ZYG11A: variants seen among roughly 807,000 people sequenced by gnomAD.
ZYG11A encodes zyg-11 family member A, cell cycle regulator.
In ZYG11A, 62 loss-of-function variants were observed where a neutral mutation model predicts 77.2. The ratio of observed to expected loss-of-function variants is 0.80; its 90% CI spans 0.65 to 0.99. ZYG11A has a LOEUF of 0.99. ZYG11A is among the 50% of genes least tolerant of loss of function. The pLI is 0.00. For synonymous variants in ZYG11A, 315 were observed against 324.6 expected (o/e 0.97, Z 0.32); for missense variants, 828 against 896.8 (o/e 0.92, Z 0.98).
intron 10 of ZYG11A, among the ~76,000 whole-genome samples, chr1:52,880,782 C>T (rs893111925): frequency 2.6e-5 from 4 of 152,138 alleles, no homozygotes; most frequent in African/African-American, 9.7e-5. Context: ...ATTCTGCCAG[C>T]AGTCTGAGTG....
chr1:52,871,659 A>C (rs1052919086), intron 8 of ZYG11A, among the ~76,000 whole-genome samples: 1 of 151,944 alleles, frequency 6.6e-6, no homozygotes, highest in Non-Finnish European at 1.5e-5. Context: ...TTGTATTTTT[A>C]GTAGAGACGG....
At chr1:52,843,179 C>CG (rs143471571) in intron 1 of ZYG11A, among the ~76,000 whole-genome samples, 5,329 of 151,752 alleles carry the variant, frequency 0.035, 417 homozygotes, top group Admixed American at 0.18. Context: ...CGCCGCGGAG[C>CG]GGGGGGTGCT....
intron 13 of ZYG11A, among the ~76,000 whole-genome samples, chr1:52,890,568 T>C (rs1646528637): frequency 6.6e-6 from 1 of 151,762 alleles, no homozygotes; most frequent in Non-Finnish European, 1.5e-5. Flanking sequence ...TGTTGGGGTC[T>C]ACTGTCAGCC....
chr1:52,875,716 CTG>C lies in ZYG11A; in HGVS notation c.1543-1964_1543-1963del, dbSNP rs566559472. ...GTGATTCAATTTTGGTGCTGAATCT[CTG>C]TATGTGCAGAAATTGAGTTTAGAGT... is the stretch of plus-strand genomic sequence containing the variant. On this transcript the variant is annotated intron_variant, in intron 8 of 13. Transcript: ENST00000371528. Among the ~76,000 whole-genome samples, 16 of 149,762 alleles carry C rather than the reference CTG, an allele frequency of 1.1e-4. 1 individual carries two copies. In the South Asian group the frequency reaches 1.7e-3, roughly 16 times the overall value.
At chr1:52,858,796 T>C (rs1478684087) in intron 3 of ZYG11A, among the ~76,000 whole-genome samples, 2 of 151,326 alleles carry the variant, frequency 1.3e-5, no homozygotes, top group African/African-American at 4.9e-5. Context: ...GTATTTTTAG[T>C]AGAGGCAGAG....
chr1:52,881,643 G>A lies in ZYG11A; in HGVS notation c.1922G>A (p.Arg641Lys). 6.4e-7 allele frequency: 1 copy of A among 1,551,656 alleles called. No individual in the cohort carries two copies. Among genetic ancestry groups the A allele is most frequent in the Non-Finnish European group, 8.7e-7 (1 of 1,146,880 alleles). The change falls in exon 11 of 14, where the codon AGG becomes AAG. Residue 641 changes from arginine to lysine, a missense_variant. Transcript: ENST00000371528. ...RQLWISRDFQ[R>K]RTLLQDLHAT... is the part of the protein sequence containing the mutation. ...CTTTGGATATCCCGTGACTTCCAGAGGCGTACTCTTCTCCAAGATCTGGTA... is the reference window on the plus strand; with the variant it reads ...CTTTGGATATCCCGTGACTTCCAGAAGCGTACTCTTCTCCAAGATCTGGTA...
At chr1:52,874,550 C>A (rs1242737979) in intron 8 of ZYG11A, among the ~76,000 whole-genome samples, 1 of 152,098 alleles carries the variant, frequency 6.6e-6, no homozygotes, top group African/African-American at 2.4e-5. Flanking sequence ...CTGTGCCCAG[C>A]CATAAAATAT....
intron 3 of ZYG11A, among the ~76,000 whole-genome samples, chr1:52,860,197 T>C (rs1645900691): frequency 3.3e-5 from 5 of 152,128 alleles, no homozygotes; most frequent in Admixed American, 2.6e-4. Context: ...AATTGCCGTT[T>C]AATAACGTTG....
rs1268165879 is a variant in ZYG11A at position 52,871,019 on chromosome 1, A to G, written c.1542+3242A>G. Reference sequence around the variant, plus strand: ...TAATTCATTTATGGCATGGTTTATGATGCAATAATTTTTTATTTTCACGTA... The same window carrying G: ...TAATTCATTTATGGCATGGTTTATGGTGCAATAATTTTTTATTTTCACGTA... On this transcript the variant is annotated intron_variant, in intron 8 of 13. Transcript: ENST00000371528. 2.0e-5 allele frequency among the ~76,000 whole-genome samples: 3 copies of G among 152,192 alleles called. No individual in the cohort carries two copies. The East Asian group carries it at 5.8e-4, about 29-fold the overall frequency.
chr1:52,861,653 G>A (rs150393060), intron 4 of ZYG11A, among the ~76,000 whole-genome samples: 2 of 152,104 alleles, frequency 1.3e-5, no homozygotes, highest in East Asian at 1.9e-4. Context: ...GCAGTGAGCC[G>A]AGATTGTGCC....
chr1:52,872,099 C>T (rs911347748), intron 8 of ZYG11A, among the ~76,000 whole-genome samples: 3 of 152,088 alleles, frequency 2.0e-5, no homozygotes, highest in Admixed American at 6.6e-5. Flanking sequence ...GTGTTCATTA[C>T]TGAGATGCTT....
intron 13 of ZYG11A, among the ~76,000 whole-genome samples, chr1:52,890,249 GT>G (rs908467307): frequency 0.012 from 873 of 71,694 alleles, 4 homozygotes; most frequent in African/African-American, 0.043. Context: ...TTTTCTTTTA[GT>G]TTTTTTTTTT....
chr1:52,878,233 A>T (rs999196287), intron 10 of ZYG11A, among the ~76,000 whole-genome samples: 1 of 152,224 alleles, frequency 6.6e-6, no homozygotes, highest in Non-Finnish European at 1.5e-5. Flanking sequence ...GCTCAGCTGT[A>T]AAGTTCTTCT....
chr1:52,858,472 GT>G (rs971546317), intron 3 of ZYG11A, among the ~76,000 whole-genome samples: 1 of 148,602 alleles, frequency 6.7e-6, no homozygotes, highest in Non-Finnish European at 1.5e-5. Context: ...TGCCCAGCTA[GT>G]TTTTTATTTT....
rs201728574 is a variant in ZYG11A at position 52,845,261 on chromosome 1, CTT to C, written c.90+2289_90+2290del. Among the ~76,000 whole-genome samples, 699 of 148,788 alleles carry C rather than the reference CTT, an allele frequency of 4.7e-3. 7 individuals are homozygous for C. Among genetic ancestry groups the C allele is most frequent in the African/African-American group, 0.017 (674 of 40,614 alleles). ...CAACTGTATGTTTTAAATTGTGTCTCTTGTAAACAGCAATCTTGCATTTGTAT... is the reference window on the plus strand; with the variant it reads ...CAACTGTATGTTTTAAATTGTGTCTCGTAAACAGCAATCTTGCATTTGTAT... On this transcript the variant is annotated intron_variant, in intron 1 of 13. Transcript: ENST00000371528.
rs547870097 is a variant in ZYG11A at position 52,864,495 on chromosome 1, C to G, written c.1326+338C>G. ...TCCTGGCCTCATGAGCCATGGCATA[C>G]GGCAGACAATTTGTGTTTTCTAACT... On this transcript the variant is annotated intron_variant, in intron 5 of 13. Coordinates refer to ENST00000371528, the MANE Select transcript of ZYG11A (RefSeq NM_001004339.3). Among the ~76,000 whole-genome samples, 4 of 151,882 alleles carry G rather than the reference C, an allele frequency of 2.6e-5. No individual in the cohort carries two copies. The South Asian group carries it at 6.2e-4, about 24-fold the overall frequency.
At chr1:52,862,233 G>A (rs1645941414) in intron 4 of ZYG11A, among the ~76,000 whole-genome samples, 3 of 151,542 alleles carry the variant, frequency 2.0e-5, no homozygotes, top group African/African-American at 7.3e-5. Flanking sequence ...AAGTTAGGTG[G>A]GCATGGTTGT....
chr1:52,854,827 C>T (rs1297968921), intron 2 of ZYG11A, among the ~76,000 whole-genome samples, 197 bp downstream of exon 2: 1 of 151,802 alleles, frequency 6.6e-6, no homozygotes, highest in Non-Finnish European at 1.5e-5. Context: ...GTTTTCCACT[C>T]TTCACTTACG....
chr1:52,874,650 TGA>T (rs1419213822), intron 8 of ZYG11A, among the ~76,000 whole-genome samples: 4 of 152,086 alleles, frequency 2.6e-5, no homozygotes, highest in African/African-American at 9.7e-5. Context: ...GCGGATCATG[TGA>T]GGTTAGGAGT....
Sources: gnomAD v4.1 joint callset for allele counts (sites outside exome capture counted in the v4.1 genomes callset) on GRCh38, gnomAD v4.1.1 for gene constraint, MANE v1.5 for transcripts, NCBI Gene and HGNC (gene_info 2026-07-23, HGNC 2026-07-21) for gene names.